Variants in RPRD2 observed in about 807,000 individuals in gnomAD.
The protein encoded by RPRD2 is regulation of nuclear pre-mRNA domain-containing protein 2.
A neutral mutation model predicts 104.4 loss-of-function variants in RPRD2; 12 were observed. The observed-to-expected ratio is 0.11, with a 90% CI of 0.07 to 0.19. The LOEUF is 0.19. Ranked by LOEUF, RPRD2 falls within the 10% of genes least tolerant of loss-of-function variation. The probability of loss-of-function intolerance (pLI) is 1.00; values close to 1 mark genes in which losing one functional copy is unlikely to be tolerated. For missense variants in RPRD2, 1,543 were observed against 1,790.1 expected, an observed-to-expected ratio of 0.86 and a Z score of 2.49; for synonymous variants, 714 against 684.9, an observed-to-expected ratio of 1.04 and a Z score of -0.66.
At chr1:150,414,580 C>T (rs182224938) in intron 1 of RPRD2, among the ~76,000 whole-genome samples, 166 of 151,996 alleles carry the variant, frequency 1.1e-3, no homozygotes, top group African/African-American at 3.7e-3. Flanking sequence ...GGATGAAAAC[C>T]AGGAGAGTGG....
intron 2 of RPRD2, among the ~76,000 whole-genome samples, chr1:150,425,359 T>G (rs1337607122): frequency 6.6e-6 from 1 of 152,064 alleles, no homozygotes; most frequent in African/African-American, 2.4e-5. Flanking sequence ...TTAAGAAATT[T>G]CTGGCCGGGT....
Position 150,471,707 on chromosome 1 carries a change from G to A in RPRD2, c.2759G>A (p.Gly920Glu). 1.2e-6 allele frequency: 2 copies of A among 1,613,830 alleles called. No individual in the cohort carries two copies. Among genetic ancestry groups the A allele is most frequent in the Non-Finnish European group, 1.7e-6 (2 of 1,179,864 alleles). ...PGLFGAFSVR[G>E]NEPGSDRSPS... Reference sequence around the variant, plus strand: ...CTATTTGGTGCCTTCAGCGTAAGAGGGAATGAACCTGGGTCTGACCGGTCA... The same window carrying A: ...CTATTTGGTGCCTTCAGCGTAAGAGAGAATGAACCTGGGTCTGACCGGTCA... Residue 920 changes from glycine (G) to glutamate (E), a missense_variant, in exon 11 of 11, where the codon GGG becomes GAG. Transcript: ENST00000369068. This position sits in a 1 kb window ranked among gnomAD's most constrained non-coding sequence, Gnocchi z 5.3.
chr1:150,451,996 G>A (rs1408382437), intron 7 of RPRD2, among the ~76,000 whole-genome samples: 1 of 151,752 alleles, frequency 6.6e-6, no homozygotes, highest in Non-Finnish European at 1.5e-5. Context: ...GGAAAAATTA[G>A]CCAGGCATGG....
Position 150,472,082 on chromosome 1 carries a change from C to A in RPRD2, c.3134C>A (p.Thr1045Asn). 1 of 1,613,828 alleles carries A rather than the reference C, an allele frequency of 6.2e-7. No individual in the cohort carries two copies. The highest frequency in any genetic ancestry group is 1.7e-5 in the Admixed American group (1 of 60,010). The stretch of plus-strand genomic sequence containing the variant: ...GATGGTGTCAGTCTCTCAAACCTCA[C>A]CCAACCCAGCTTGACCGCCACTGAT... Reference protein sequence around the residue: ...PSDGVSLSNLTQPSLTATDQQ... With the variant: ...PSDGVSLSNLNQPSLTATDQQ... The change falls in exon 11 of 11, where the codon ACC (threonine) becomes AAC (asparagine). Residue 1045 changes from threonine (T) to asparagine (N), a missense_variant. Coordinates refer to ENST00000369068, the MANE Select transcript of RPRD2 (RefSeq NM_015203.5).
rs1318612383 is a variant in RPRD2 at position 150,443,849 on chromosome 1, A to T, written c.568-402A>T. Among the ~76,000 whole-genome samples the T allele has an allele frequency of 3.8e-4, 10 of 26,534 alleles. No homozygotes were observed. The South Asian group carries it at 5.6e-3, about 15-fold the overall frequency. 17.4% of individuals were successfully genotyped at this position (26,534 alleles called of 152,430 possible). On this transcript the variant is annotated intron_variant, in intron 5 of 10. Transcript: ENST00000369068. ...TGAAACCCCGTCTCTACTAAAAATT[A>T]AAAAAAAAAAAAACAAAAATTAGCT... is the stretch of plus-strand genomic sequence containing the variant.
intron 1 of RPRD2, among the ~76,000 whole-genome samples, chr1:150,412,148 AAG>A (rs1314332564): frequency 8.4e-6 from 1 of 118,698 alleles, no homozygotes; most frequent in African/African-American, 4.1e-5. Flanking sequence ...GGCAGTAAAC[AAG>A]AGAAATTCCA....
intron 1 of RPRD2, among the ~76,000 whole-genome samples, chr1:150,370,325 C>T (rs1553878105): frequency 6.6e-6 from 1 of 152,112 alleles, no homozygotes; most frequent in Non-Finnish European, 1.5e-5. Flanking sequence ...TTGCAAAGTA[C>T]TTAAACTGTG....
At chr1:150,415,281 G>A (rs1239286592) in intron 1 of RPRD2, among the ~76,000 whole-genome samples, 1 of 151,936 alleles carries the variant, frequency 6.6e-6, no homozygotes, top group Non-Finnish European at 1.5e-5. Flanking sequence ...GCAGTGAGCC[G>A]AGATTGTGCC....
In RPRD2 at chr1:150,428,995, T is replaced by TA. The variant is rs587732524; in HGVS notation, c.335+11272dup. The stretch of plus-strand genomic sequence containing the variant: ...CTACAAGGTCAGCCAATTTTTTTTT[T>TA]AACTTAAAAATCAAAGAAGAAAAGG... On this transcript the variant is annotated intron_variant, in intron 2 of 10. Coordinates refer to ENST00000369068, the MANE Select transcript of RPRD2 (RefSeq NM_015203.5). 5.3e-5 allele frequency among the ~76,000 whole-genome samples: 8 copies of TA among 152,216 alleles called. No individual in the cohort carries two copies. The East Asian group carries it at 1.5e-3, about 29-fold the overall frequency.
chr1:150,371,265 A>G (rs1660277818), intron 1 of RPRD2, among the ~76,000 whole-genome samples: 1 of 152,258 alleles, frequency 6.6e-6, no homozygotes, highest in African/African-American at 2.4e-5. Flanking sequence ...TAAGCATTTT[A>G]CGTGTATTCA....
chr1:150,395,754 C>T (rs1662471478), intron 1 of RPRD2, among the ~76,000 whole-genome samples: 3 of 152,124 alleles, frequency 2.0e-5, no homozygotes, highest in South Asian at 2.1e-4. Flanking sequence ...CGTGATCTGC[C>T]TGCCTCCGCC....
At chr1:150,378,558 TA>T (rs1336745748) in intron 1 of RPRD2, among the ~76,000 whole-genome samples, 1 of 152,178 alleles carries the variant, frequency 6.6e-6, no homozygotes, top group Non-Finnish European at 1.5e-5. Flanking sequence ...CATTCTCATA[TA>T]GAAGCAAGTA....
At chr1:150,457,144 A>G in intron 7 of RPRD2, 144 bp from the exon 8 acceptor site, 1 of 694,180 alleles carries the variant, frequency 1.4e-6, no homozygotes, top group Non-Finnish European at 2.4e-6. Context: ...GGATCACTTC[A>G]ACCCAGGAGG....
chr1:150,388,902 C>T (rs1661848326), intron 1 of RPRD2, among the ~76,000 whole-genome samples: 1 of 152,020 alleles, frequency 6.6e-6, no homozygotes, highest in Non-Finnish European at 1.5e-5. Context: ...CTGCACTTGG[C>T]CTAATATGTA....
At chr1:150,420,924 G>T (rs1181019059) in intron 2 of RPRD2, among the ~76,000 whole-genome samples, 1 of 152,168 alleles carries the variant, frequency 6.6e-6, no homozygotes, top group African/African-American at 2.4e-5. Context: ...CATCAGGGGG[G>T]CAACCCTTTT....
intron 1 of RPRD2, among the ~76,000 whole-genome samples, chr1:150,409,911 C>A (rs1474732519): frequency 2.0e-5 from 3 of 152,120 alleles, no homozygotes; most frequent in Non-Finnish European, 4.4e-5. Context: ...TCCCAAAGTG[C>A]TGGGATTATA....
intron 1 of RPRD2, among the ~76,000 whole-genome samples, chr1:150,397,320 G>T (rs1199623121): frequency 2.6e-5 from 4 of 152,094 alleles, no homozygotes; most frequent in Non-Finnish European, 4.4e-5. Context: ...CTTTTTTTGG[G>T]TGGTGGGGAG....
At chr1:150,397,391 A>G (rs1359399714) in intron 1 of RPRD2, among the ~76,000 whole-genome samples, 2 of 152,192 alleles carry the variant, frequency 1.3e-5, no homozygotes, top group East Asian at 3.8e-4. Context: ...GTACAGTTCT[A>G]TAAATTTTGA....
chr1:150,389,453 T>C (rs1278745709), intron 1 of RPRD2, among the ~76,000 whole-genome samples: 1 of 152,320 alleles, frequency 6.6e-6, no homozygotes, highest in East Asian at 1.9e-4. Flanking sequence ...AATGATTAGC[T>C]GGGGTTATTG....
Sources: allele counts gnomAD v4.1 joint callset (sites outside exome capture counted in the v4.1 genomes callset), GRCh38; gene constraint gnomAD v4.1.1; non-coding constraint Gnocchi (gnomAD v3.1); transcripts MANE v1.5; gene names NCBI Gene and HGNC (gene_info 2026-07-23, HGNC 2026-07-21).